CMTM4: variants seen among roughly 807,000 people sequenced by gnomAD.
CMTM4 encodes CKLF-like MARVEL transmembrane domain-containing protein 4.
Under a neutral mutation model 19.0 loss-of-function variants are expected in CMTM4, and 8 were observed. The observed-to-expected ratio is 0.42, with a 90% CI of 0.25 to 0.76. CMTM4 has a LOEUF of 0.76. Among genes scored for constraint, CMTM4 ranks in the 30% least tolerant of loss-of-function variants. The pLI is 0.27. For missense variants in CMTM4, 228 were observed against 290.2 expected, an observed-to-expected ratio of 0.79 and a Z score of 1.56; for synonymous variants, 106 against 121.1, an observed-to-expected ratio of 0.88 and a Z score of 0.82.
At position 66,696,310 on chromosome 16, in the gene CMTM4, C is replaced by G; in HGVS notation, c.186+30G>C. ...GGGAGGCGTGCGGCTAGGCCGCCCT[C>G]GGGCACCTGGGGCCCCGCCCGGCAC... On this transcript the variant is annotated intron_variant, in intron 1 of 3. Transcript: ENST00000394106. The surrounding 1 kb of genome is among the most constrained non-coding windows in gnomAD (Gnocchi z 4.3). The G allele has an allele frequency of 7.7e-7, 1 of 1,297,562 alleles. No homozygotes were observed. Among genetic ancestry groups the G allele is most frequent in the East Asian group, 3.3e-5 (1 of 30,242 alleles). The allele number at this position is 1,297,562 out of a possible 1,614,324, so 80.4% of individuals were successfully genotyped here.
the CMTM4 span, among the ~76,000 whole-genome samples, chr16:66,607,879 C>G: frequency 1.3e-3 from 198 of 151,660 alleles, no homozygotes; most frequent in African/African-American, 4.5e-3. Flanking sequence ...GTCTCTCTCT[C>G]TCTCACCCAG....
chr16:66,655,081 T>A (rs2016373957), intron 1 of CMTM4, among the ~76,000 whole-genome samples: 1 of 152,090 alleles, frequency 6.6e-6, no homozygotes, highest in Non-Finnish European at 1.5e-5. Flanking sequence ...CCACCCAGGC[T>A]CAAGCCAACC....
intron 1 of CMTM4, among the ~76,000 whole-genome samples, chr16:66,673,077 T>TC (rs2016742852): frequency 1.5e-5 from 2 of 132,238 alleles, no homozygotes; most frequent in Non-Finnish European, 3.1e-5. Flanking sequence ...ACCAATTTTT[T>TC]TTTTTTTTTT....
At chr16:66,675,657 A>C (rs1449626815) in intron 1 of CMTM4, among the ~76,000 whole-genome samples, 1 of 151,850 alleles carries the variant, frequency 6.6e-6, no homozygotes, top group Non-Finnish European at 1.5e-5. Flanking sequence ...AAGCTTTTCC[A>C]AAGCATCTAG....
intron 1 of CMTM4, among the ~76,000 whole-genome samples, chr16:66,648,162 C>T (rs2016241959): frequency 6.6e-6 from 1 of 152,150 alleles, no homozygotes; most frequent in Non-Finnish European, 1.5e-5. Context: ...ACTTTGTTGC[C>T]AGTATGAGAT....
the CMTM4 span, among the ~76,000 whole-genome samples, chr16:66,606,058 G>A: frequency 6.6e-6 from 1 of 151,598 alleles, no homozygotes; most frequent in Non-Finnish European, 1.5e-5. Context: ...CCTCATAAGA[G>A]GGAGGCATAT....
At chr16:66,694,574 G>A (rs1019854457) in intron 1 of CMTM4, among the ~76,000 whole-genome samples, 10 of 151,826 alleles carry the variant, frequency 6.6e-5, no homozygotes, top group Non-Finnish European at 1.3e-4. Flanking sequence ...TTAGCTGGGC[G>A]TGGTGGTGGG....
downstream of CMTM4, chr16:66,611,065 G>A (rs1048627044): frequency 1.0e-5 from 4 of 396,012 alleles, no homozygotes; most frequent in Admixed American, 4.4e-5. Flanking sequence ...AAACTTGGGT[G>A]GTTTTATTTT....
At chr16:66,683,196 T>C (rs1451253924) in intron 1 of CMTM4, among the ~76,000 whole-genome samples, 14 of 95,650 alleles carry the variant, frequency 1.5e-4, no homozygotes, top group East Asian at 7.0e-4. Flanking sequence ...TATATATACA[T>C]ATATATATAT....
chr16:66,636,949 G>A (rs2016004235), intron 1 of CMTM4, among the ~76,000 whole-genome samples: 1 of 152,160 alleles, frequency 6.6e-6, no homozygotes, highest in Non-Finnish European at 1.5e-5. Context: ...TGTTGCCTAT[G>A]TGTGTTTCTA....
At chr16:66,645,852 G>A (rs796389497) in intron 1 of CMTM4, among the ~76,000 whole-genome samples, 4 of 151,238 alleles carry the variant, frequency 2.6e-5, no homozygotes, top group Admixed American at 1.3e-4. Context: ...GGTGGTGGGC[G>A]CCTGTAATCA....
intron 1 of CMTM4, among the ~76,000 whole-genome samples, chr16:66,642,449 C>T (rs1340326248): frequency 1.3e-5 from 2 of 152,154 alleles, no homozygotes; most frequent in Non-Finnish European, 2.9e-5. Context: ...TACAGTGGCT[C>T]ACACCTGTAA....
downstream of CMTM4, chr16:66,609,783 G>A (rs769263896): frequency 2.2e-5 from 36 of 1,611,494 alleles, no homozygotes; most frequent in South Asian, 7.7e-5. The surrounding 1 kb of genome is among the most constrained non-coding windows in gnomAD (Gnocchi z 4.4). Flanking sequence ...CACTCGGGCT[G>A]TTTGTCCAAG....
intron 1 of CMTM4, among the ~76,000 whole-genome samples, chr16:66,658,950 C>T (rs2016452082): frequency 6.6e-6 from 1 of 152,152 alleles, no homozygotes; most frequent in South Asian, 2.1e-4. Context: ...GCTCCACCTG[C>T]TAGTGTGGAT....
chr16:66,606,024 C>T, the CMTM4 span, among the ~76,000 whole-genome samples: 78 of 151,472 alleles, frequency 5.1e-4, no homozygotes, highest in African/African-American at 1.9e-3. Flanking sequence ...GTGGCTTGAA[C>T]CCCCCCATCC....
chr16:66,679,823 CAA>C (rs748044272), intron 1 of CMTM4, among the ~76,000 whole-genome samples: 33 of 64,004 alleles, frequency 5.2e-4, no homozygotes, highest in Admixed American at 8.8e-4. Flanking sequence ...GACTCTATGT[CAA>C]AAAAAAAAAA....
the CMTM4 span, chr16:66,608,182 G>A: frequency 3.3e-5 from 32 of 969,344 alleles, no homozygotes; most frequent in Middle Eastern, 6.7e-4. This position sits in a 1 kb window ranked among gnomAD's most constrained non-coding sequence, Gnocchi z 5.1. Context: ...TCCCAGCTGC[G>A]GGACTGTGAG....
intron 3 of CMTM4, 30 bp downstream of exon 3, chr16:66,623,374 A>G (rs2015675797): frequency 6.4e-7 from 1 of 1,563,866 alleles, no homozygotes; most frequent in South Asian, 1.1e-5. Flanking sequence ...TCCCCAGATC[A>G]GCTTGCTTTA....
Position 66,621,089 on chromosome 16 carries a change from A to G in CMTM4, c.*969T>C, listed in dbSNP as rs2144778908. Reference sequence around the variant, plus strand: ...ATCCTAGACGAATCTGCTCAGAATCATTTTAGAACTCTTTGCAGGCATTTA... The same window carrying G: ...ATCCTAGACGAATCTGCTCAGAATCGTTTTAGAACTCTTTGCAGGCATTTA... On this transcript the variant is annotated 3_prime_UTR_variant, in exon 4 of 4. Coordinates refer to ENST00000394106, the MANE Select transcript of CMTM4 (RefSeq NM_181521.3). The G allele has an allele frequency of 5.1e-6, 5 of 985,890 alleles. No homozygotes were observed. In the South Asian group the frequency reaches 2.3e-4, roughly 46 times the overall value. The allele number at this position is 985,890 out of a possible 1,614,324, so 61.1% of individuals were successfully genotyped here. A position where few individuals can be genotyped will look rare whatever the true frequency, so the allele number is the denominator to read the frequency against.
Sources: gnomAD v4.1 joint callset for allele counts (sites outside exome capture counted in the v4.1 genomes callset) on GRCh38, gnomAD v4.1.1 for gene constraint, Gnocchi (gnomAD v3.1) non-coding constraint, MANE v1.5 for transcripts, NCBI Gene and HGNC (gene_info 2026-07-23, HGNC 2026-07-21) for gene names.